The following SLC24A2 variants were observed in gnomAD, a reference collection of about 807,000 sequenced individuals.
SLC24A2 encodes solute carrier family 24 member 2.
SLC24A2 carries 36 observed loss-of-function variants against 62.0 expected under a neutral mutation model. The ratio of observed to expected loss-of-function variants is 0.58; its 90% confidence interval spans 0.44 to 0.77. The LOEUF (loss-of-function observed/expected upper bound fraction) is 0.77, where lower values mean the gene tolerates loss of function less well. Among genes scored for constraint, SLC24A2 ranks in the 30% least tolerant of loss-of-function variants. The pLI is 0.00. For missense variants in SLC24A2, 846 were observed against 817.9 expected (o/e 1.03, Z -0.42); for synonymous variants, 358 against 294.0 (o/e 1.22, Z -2.23).
the SLC24A2 span, among the ~76,000 whole-genome samples, chr9:19,821,193 A>C: frequency 2.0e-5 from 3 of 152,192 alleles, no homozygotes; most frequent in Non-Finnish European, 2.9e-5. Flanking sequence ...GTGAGGATTC[A>C]GAAACAGAGA....
rs372405700 is a variant in SLC24A2, at chr9:19,545,326, C to A, written c.1479+4811G>T. The stretch of plus-strand genomic sequence containing the variant: ...ACTGGTTATTCCAGTTAGCAATTCG[C>A]GTAACCTTTTTTCAAGGTTCTTAGC... On this transcript the variant is annotated intron_variant, in intron 8 of 10. Transcript: ENST00000341998. Among the ~76,000 whole-genome samples the A allele has an allele frequency of 4.6e-5, 7 of 151,938 alleles. No individual in the cohort carries two copies. The East Asian group carries it at 5.8e-4, about 13-fold the overall frequency.
At chr9:19,767,973 C>A (rs1483182412) in intron 2 of SLC24A2, among the ~76,000 whole-genome samples, 1 of 152,154 alleles carries the variant, frequency 6.6e-6, no homozygotes. Context: ...CAGCATGGGG[C>A]ATCGCATGGT....
the SLC24A2 span, among the ~76,000 whole-genome samples, chr9:19,912,832 T>C: frequency 6.6e-6 from 1 of 152,104 alleles, no homozygotes; most frequent in Admixed American, 6.6e-5. Flanking sequence ...CTCTATTTTG[T>C]CCCAAAATGA....
chr9:20,056,216 C>A, the SLC24A2 span, among the ~76,000 whole-genome samples: 1 of 152,092 alleles, frequency 6.6e-6, no homozygotes, highest in African/African-American at 2.4e-5. Flanking sequence ...GCAAATTGAG[C>A]ACTGTGTGTG....
chr9:20,004,025 G>C, the SLC24A2 span, among the ~76,000 whole-genome samples: 1 of 152,088 alleles, frequency 6.6e-6, no homozygotes, highest in African/African-American at 2.4e-5. Flanking sequence ...TAGAGTGCTA[G>C]GATTCTGGGT....
At chr9:20,058,492 T>TACACACACACACACACACACACACACAC in the SLC24A2 span, among the ~76,000 whole-genome samples, 58 of 147,890 alleles carry the variant, frequency 3.9e-4, no homozygotes, top group African/African-American at 1.4e-3. Context: ...ATGCCCTTCA[T>TACACACACACACACACACACACACACAC]ACACACACAC....
the SLC24A2 span, among the ~76,000 whole-genome samples, chr9:20,045,351 T>C: frequency 6.6e-6 from 1 of 152,186 alleles, no homozygotes; most frequent in East Asian, 1.9e-4. Context: ...AAGGAAATGA[T>C]ACTTCAGCTA....
chr9:20,100,984 C>A, the SLC24A2 span, among the ~76,000 whole-genome samples: 5 of 152,172 alleles, frequency 3.3e-5, no homozygotes, highest in Non-Finnish European at 5.9e-5. Context: ...TGCAAGTAGG[C>A]AAGGCTAACC....
intron 2 of SLC24A2, among the ~76,000 whole-genome samples, chr9:19,655,987 A>G (rs1029075268): frequency 1.3e-5 from 2 of 152,160 alleles, no homozygotes; most frequent in African/African-American, 4.8e-5. Context: ...CATTTGTTCT[A>G]ACTGCCCCTG....
At chr9:20,198,214 A>AG in the SLC24A2 span, among the ~76,000 whole-genome samples, 1 of 152,314 alleles carries the variant, frequency 6.6e-6, no homozygotes, top group Middle Eastern at 3.4e-3. Context: ...CACTCGGGAA[A>AG]GGGGGAAAAA....
chr9:19,556,928 T>C (rs898903062), intron 7 of SLC24A2, among the ~76,000 whole-genome samples: 18 of 152,122 alleles, frequency 1.2e-4, no homozygotes, highest in Non-Finnish European at 2.9e-5. Context: ...CAATAATAGA[T>C]CACAACAGAC....
the SLC24A2 span, among the ~76,000 whole-genome samples, chr9:19,871,859 T>A: frequency 6.6e-6 from 1 of 152,200 alleles, no homozygotes; most frequent in Non-Finnish European, 1.5e-5. Context: ...GGTTATTTTT[T>A]AAAAACATAT....
chr9:20,040,521 A>T, the SLC24A2 span, among the ~76,000 whole-genome samples: 1 of 152,160 alleles, frequency 6.6e-6, no homozygotes, highest in Non-Finnish European at 1.5e-5. Flanking sequence ...TGCGTCACCC[A>T]TTTCTTTTCA....
the SLC24A2 span, among the ~76,000 whole-genome samples, chr9:20,090,819 T>C: frequency 1.3e-5 from 2 of 152,176 alleles, no homozygotes; most frequent in East Asian, 1.9e-4. Context: ...TCCAAACAAC[T>C]GTACAAGTTC....
intron 9 of SLC24A2, among the ~76,000 whole-genome samples, chr9:19,525,637 C>T (rs1833412550): frequency 6.6e-6 from 1 of 151,708 alleles, no homozygotes; most frequent in Non-Finnish European, 1.5e-5. Flanking sequence ...CTCCTGGGGT[C>T]AAGGGATCTG....
chr9:20,192,755 A>C, the SLC24A2 span, among the ~76,000 whole-genome samples: 1 of 152,200 alleles, frequency 6.6e-6, no homozygotes, highest in African/African-American at 2.4e-5. Flanking sequence ...CCTGGGCATC[A>C]GTATTTTTTT....
upstream of SLC24A2, among the ~76,000 whole-genome samples, chr9:19,791,066 C>G (rs1207754186): frequency 5.3e-5 from 8 of 152,122 alleles, no homozygotes; most frequent in Non-Finnish European, 1.0e-4. Flanking sequence ...TTAAACCAAA[C>G]AAGAATTTAT....
chr9:20,097,196 A>T, the SLC24A2 span, among the ~76,000 whole-genome samples: 1 of 152,112 alleles, frequency 6.6e-6, no homozygotes. Flanking sequence ...TGCCCAGTTC[A>T]TTTTGTTGGC....
chr9:20,214,161 A>C, the SLC24A2 span, among the ~76,000 whole-genome samples: 489 of 152,346 alleles, frequency 3.2e-3, 8 homozygotes, highest in African/African-American at 0.011. Context: ...GCTTCAATGA[A>C]CATAGTCAAA....
Sources: allele counts gnomAD v4.1 joint callset (sites outside exome capture counted in the v4.1 genomes callset), GRCh38; gene constraint gnomAD v4.1.1; transcripts MANE v1.5; gene names NCBI Gene and HGNC (gene_info 2026-07-23, HGNC 2026-07-21).